The following IQSEC3 variants were observed in gnomAD, a reference collection of about 807,000 sequenced individuals.
IQSEC3 encodes the protein IQ motif and SEC7 domain-containing protein 3.
Under a neutral mutation model 105.4 loss-of-function variants are expected in IQSEC3, and 50 were observed. That is an observed-to-expected ratio of 0.47 (90% CI 0.38 to 0.60). The LOEUF (loss-of-function observed/expected upper bound fraction) is 0.60. IQSEC3 is among the 20% of genes least tolerant of loss of function. The probability of loss-of-function intolerance (pLI) is 0.00; values close to 1 mark genes in which losing one functional copy is unlikely to be tolerated. For synonymous variants in IQSEC3, 708 were observed against 746.0 expected (o/e 0.95, Z 0.83); for missense variants, 1,415 against 1,630.0 (o/e 0.87, Z 2.27).
chr12:165,944 C>CAGGG (rs1174580214), intron 11 of IQSEC3, 54 bp downstream of exon 11: 21 of 1,587,190 alleles, frequency 1.3e-5, no homozygotes, highest in Non-Finnish European at 1.8e-5. Flanking sequence ...CAGCAAGGGA[C>CAGGG]AGGGGCAGCT....
At chr12:97,448 T>C (rs1267102864) in intron 1 of IQSEC3, among the ~76,000 whole-genome samples, 1 of 152,230 alleles carries the variant, frequency 6.6e-6, no homozygotes, top group African/African-American at 2.4e-5. Flanking sequence ...ATTCCTAAGC[T>C]TCCTTCGATT....
intron 2 of IQSEC3, among the ~76,000 whole-genome samples, chr12:120,043 T>G (rs535641844): frequency 5.9e-5 from 9 of 152,374 alleles, no homozygotes; most frequent in African/African-American, 1.9e-4. Context: ...TAACATTTAT[T>G]GCACACATCT....
chr12:137,471 G>T (rs782628135), intron 3 of IQSEC3: 4 of 152,156 alleles, frequency 2.6e-5, no homozygotes, highest in Middle Eastern at 6.8e-3. Flanking sequence ...AAACTCCCCC[G>T]TAGCTATCAT....
chr12:168,592 C>T (rs781811372), intron 11 of IQSEC3, among the ~76,000 whole-genome samples: 10 of 152,216 alleles, frequency 6.6e-5, no homozygotes, highest in Non-Finnish European at 1.3e-4. Flanking sequence ...CTAGCCAGGC[C>T]TTGTGCTTTA....
intron 9 of IQSEC3, 166 bp from the exon 10 acceptor site, chr12:165,257 TGCAGTGAAGAA>T (rs1867109277): frequency 3.2e-6 from 2 of 623,634 alleles, no homozygotes; most frequent in Admixed American, 2.6e-5. Context: ...TAGGGTTTTG[TGCAGTGAAGAA>T]GCACATTTTG....
chr12:109,592 A>C (rs1864808478), intron 2 of IQSEC3, among the ~76,000 whole-genome samples: 1 of 147,698 alleles, frequency 6.8e-6, no homozygotes, highest in African/African-American at 2.5e-5. Flanking sequence ...CTGATCCTAA[A>C]CTCTCCTCCA....
rs1555089036 is a variant in IQSEC3, at chr12:141,115, C to T, written c.1992-9C>T. The T allele has an allele frequency of 6.3e-7, 1 of 1,586,164 alleles. No individual in the cohort carries two copies. Among genetic ancestry groups the T allele is most frequent in the Non-Finnish European group, 8.6e-7 (1 of 1,158,420 alleles). ...ACTCTCTACTGCTTCTCCCCACCCC[C>T]ACCTCCAGAAACCCCGACAAGGGCA... On this transcript the variant is annotated splice_polypyrimidine_tract_variant and intron_variant, in intron 4 of 13. Coordinates refer to ENST00000538872, the MANE Select transcript of IQSEC3 (RefSeq NM_001170738.2).
Position 157,249 on chromosome 12 carries a change from A to G in IQSEC3, c.2276+102A>G, listed in dbSNP as rs550842661. The G allele has an allele frequency of 2.1e-5, 30 of 1,413,974 alleles. No homozygotes were observed. In the South Asian group the frequency reaches 3.2e-4, roughly 15 times the overall value. 87.6% of individuals were successfully genotyped at this position (1,413,974 alleles called of 1,614,324 possible). ...GGAGATGCTATCAGGAGGGTTGGAC[A>G]TTGGGCCAGAAACACCCCTTCTGGT... On this transcript the variant is annotated intron_variant, in intron 6 of 13. Transcript: ENST00000538872.
At chr12:132,672 G>A (rs1555085432) in intron 3 of IQSEC3, among the ~76,000 whole-genome samples, 2 of 152,194 alleles carry the variant, frequency 1.3e-5, no homozygotes, top group Non-Finnish European at 2.9e-5. Context: ...CCCAGGACAA[G>A]GCAAGTTTCC....
intron 2 of IQSEC3, among the ~76,000 whole-genome samples, chr12:100,983 G>A (rs1864405132): frequency 6.6e-6 from 1 of 152,174 alleles, no homozygotes; most frequent in South Asian, 2.1e-4. Flanking sequence ...CTTGGTAGAA[G>A]AGAGAAAAGC....
intron 2 of IQSEC3, among the ~76,000 whole-genome samples, chr12:118,357 C>T (rs187632763): frequency 7.3e-4 from 110 of 151,008 alleles, no homozygotes; most frequent in African/African-American, 2.2e-3. Flanking sequence ...TTATTCTGCC[C>T]GTCTGAGATC....
chr12:91,453 C>G (rs111949902), intron 1 of IQSEC3, among the ~76,000 whole-genome samples: 2 of 152,034 alleles, frequency 1.3e-5, no homozygotes, highest in Non-Finnish European at 2.9e-5. Flanking sequence ...CCTCTGGCAG[C>G]GCTACTCCCC....
chr12:171,160 A>G lies in IQSEC3; in HGVS notation c.3113A>G (p.Glu1038Gly), dbSNP rs1938971151. Reference protein sequence around the residue: ...LRERPAESTVEVSIHNRLQTS... With the variant: ...LRERPAESTVGVSIHNRLQTS... ...GAGAGGCCGGCGGAGAGCACGGTGGAGGTAAGTGGAGCCCTGGTTGCCCAG... is the reference window on the plus strand; with the variant it reads ...GAGAGGCCGGCGGAGAGCACGGTGGGGGTAAGTGGAGCCCTGGTTGCCCAG... Residue 1038 changes from glutamate to glycine, a missense_variant and splice_region_variant, in exon 13 of 14, where the codon GAG (glutamate) becomes GGG (glycine). Glu to Gly is a moderately conservative substitution (Grantham distance 98). This residue lies in a region of IQSEC3 where 419 missense variants were observed against 436.2 expected (regional missense o/e 0.96). Coordinates refer to ENST00000538872, the MANE Select transcript of IQSEC3 (RefSeq NM_001170738.2). The G allele has an allele frequency of 1.9e-6, 3 of 1,613,926 alleles. No individual in the cohort carries two copies. Among genetic ancestry groups the G allele is most frequent in the African/African-American group, 2.7e-5 (2 of 74,884 alleles).
At chr12:105,607 C>A (rs1348492697) in intron 2 of IQSEC3, among the ~76,000 whole-genome samples, 2 of 152,212 alleles carry the variant, frequency 1.3e-5, no homozygotes, top group Non-Finnish European at 2.9e-5. Context: ...CCACCCTGTG[C>A]ATTTTTGTCT....
chr12:157,893 C>T (rs74055590), intron 7 of IQSEC3, among the ~76,000 whole-genome samples, 199 bp downstream of exon 7: 11,315 of 152,330 alleles, frequency 0.074, 808 homozygotes, highest in African/African-American at 0.19. Context: ...CCACCGCCAC[C>T]GCTCTACCAA....
chr12:105,369 C>G (rs1275735617), intron 2 of IQSEC3, among the ~76,000 whole-genome samples: 1 of 152,178 alleles, frequency 6.6e-6, no homozygotes, highest in African/African-American at 2.4e-5. Context: ...GAAGCCTGGG[C>G]TCTGGGGTGG....
chr12:139,479 G>A, intron 4 of IQSEC3, 125 bp downstream of exon 4: 1 of 720,506 alleles, frequency 1.4e-6, no homozygotes, highest in South Asian at 2.2e-5. Flanking sequence ...GGGTCCTCCA[G>A]GCAGGCGCAT....
chr12:134,830 GA>G (rs781909868), intron 3 of IQSEC3, among the ~76,000 whole-genome samples: 6 of 150,936 alleles, frequency 4.0e-5, no homozygotes, highest in Non-Finnish European at 5.9e-5. Context: ...AGACGGGAAA[GA>G]AATGTGAAAT....
intron 2 of IQSEC3, among the ~76,000 whole-genome samples, chr12:110,274 G>A (rs1180859001): frequency 2.0e-5 from 3 of 151,866 alleles, no homozygotes; most frequent in Non-Finnish European, 4.4e-5. Context: ...ATCTTTTGCA[G>A]TTTCTTAGTA....
Sources: gnomAD v4.1 joint callset for allele counts (sites outside exome capture counted in the v4.1 genomes callset) on GRCh38, gnomAD v4.1.1 for gene constraint, gnomAD v4.1.1 regional missense constraint, MANE v1.5 for transcripts, NCBI Gene and HGNC (gene_info 2026-07-23, HGNC 2026-07-21) for gene names.